STK32B: variants seen among roughly 807,000 people sequenced by gnomAD.
The protein encoded by STK32B is serine/threonine kinase 32B, also known as serine/threonine-protein kinase 32B.
A neutral mutation model predicts 52.6 loss-of-function variants in STK32B; 43 were observed. That is an observed-to-expected ratio of 0.82 (90% CI 0.64 to 1.05). The LOEUF is 1.05. Among genes scored for constraint, STK32B ranks in the 50% least tolerant of loss-of-function variants. The probability of loss-of-function intolerance (pLI) is 0.00; values close to 1 mark genes in which losing one functional copy is unlikely to be tolerated. For missense variants in STK32B, 621 were observed against 534.6 expected (o/e 1.16, Z -1.59); for synonymous variants, 238 against 204.3 (o/e 1.17, Z -1.41).
chr4:5,048,729 A>C (rs528272453), upstream of STK32B, among the ~76,000 whole-genome samples: 2 of 152,240 alleles, frequency 1.3e-5, no homozygotes, highest in African/African-American at 4.8e-5. Flanking sequence ...CACCTGGCCA[A>C]TTTCTGCATT....
intron 1 of STK32B, among the ~76,000 whole-genome samples, chr4:5,099,454 G>GCGCGTGCACGCGCACA (rs1553823530): frequency 7.7e-6 from 1 of 129,744 alleles, no homozygotes; most frequent in African/African-American, 2.6e-5. Context: ...GTGTGTGCGC[G>GCGCGTGCACGCGCACA]CGCGCGTATG....
intron 3 of STK32B, among the ~76,000 whole-genome samples, chr4:5,305,154 T>G (rs192628459): frequency 4.1e-4 from 63 of 152,218 alleles, no homozygotes; most frequent in African/African-American, 1.4e-3. Context: ...GTTTTCTTTT[T>G]TTGTTATGTC....
chr4:5,262,892 A>C (rs552410625), intron 3 of STK32B, among the ~76,000 whole-genome samples: 4 of 152,152 alleles, frequency 2.6e-5, no homozygotes, highest in Non-Finnish European at 2.9e-5. Context: ...CACAGTAAAC[A>C]TTTATTACAT....
At chr4:5,169,258 G>A (rs1223769247) in intron 3 of STK32B, among the ~76,000 whole-genome samples, 2 of 152,162 alleles carry the variant, frequency 1.3e-5, no homozygotes, top group Non-Finnish European at 2.9e-5. Context: ...GAAATTGCTT[G>A]TTTCTGGGTA....
chr4:5,182,643 G>C (rs1433857405), intron 3 of STK32B, among the ~76,000 whole-genome samples: 1 of 152,042 alleles, frequency 6.6e-6, no homozygotes, highest in Non-Finnish European at 1.5e-5. Context: ...ATTTTTAGTA[G>C]AGATGGGGTT....
intron 1 of STK32B, among the ~76,000 whole-genome samples, chr4:5,091,824 A>G (rs1713093490): frequency 6.6e-6 from 1 of 152,252 alleles, no homozygotes; most frequent in South Asian, 2.1e-4. Flanking sequence ...TGATGAATGG[A>G]TAAACATAAT....
chr4:5,268,762 C>T (rs1480565298), intron 3 of STK32B, among the ~76,000 whole-genome samples: 1 of 152,024 alleles, frequency 6.6e-6, no homozygotes, highest in East Asian at 1.9e-4. Flanking sequence ...AAAACCCCCT[C>T]TGCAGCCGAA....
rs550429015 is a variant in STK32B, at chr4:5,259,531, G to A, written c.261-71689G>A. Among the ~76,000 whole-genome samples the A allele has an allele frequency of 3.4e-4, 52 of 152,284 alleles. No individual in the cohort carries two copies. In the South Asian group the frequency reaches 0.01, roughly 30 times the overall value. ...AGTTCCCTCATTCTCTCTTTATAAA[G>A]CAGAGAGAATAACAGTACTGTGTCA... On this transcript the variant is annotated intron_variant, in intron 3 of 11. Coordinates refer to ENST00000282908, the MANE Select transcript of STK32B (RefSeq NM_018401.3).
chr4:5,357,648 T>C (rs1734275297), intron 4 of STK32B, among the ~76,000 whole-genome samples: 1 of 131,798 alleles, frequency 7.6e-6, no homozygotes, highest in African/African-American at 3.1e-5. Context: ...TGGAATGACA[T>C]CTGGCCATAA....
chr4:5,140,050 T>C, intron 2 of STK32B, 90 bp downstream of exon 2: 1 of 1,537,768 alleles, frequency 6.5e-7, no homozygotes, highest in Non-Finnish European at 9.0e-7. Flanking sequence ...GGGAATGTTC[T>C]GTTTGACAGT....
rs1464844815 is a variant in STK32B at position 5,386,170 on chromosome 4, G to A, written c.435-12037G>A. Among the ~76,000 whole-genome samples, 5 of 151,536 alleles carry A rather than the reference G, an allele frequency of 3.3e-5. No individual in the cohort carries two copies. The highest frequency in any genetic ancestry group is 5.9e-5 in the Non-Finnish European group (4 of 67,944). On this transcript the variant is annotated intron_variant, in intron 4 of 11. Coordinates refer to ENST00000282908, the MANE Select transcript of STK32B (RefSeq NM_018401.3). This position sits in a 1 kb window ranked among gnomAD's most constrained non-coding sequence, Gnocchi z 4.5. ...TGTACTCCCTGGACTCTTCCCAGCC[G>A]TCTGTCTCTCACACAGCACCCTCAC...
chr4:5,113,180 G>A (rs1047159934), intron 1 of STK32B, among the ~76,000 whole-genome samples: 7 of 152,084 alleles, frequency 4.6e-5, no homozygotes, highest in Admixed American at 1.3e-4. Flanking sequence ...GAAACCTCAC[G>A]AATGGGATTA....
At chr4:5,492,840 G>C (rs1719865241) in intron 11 of STK32B, among the ~76,000 whole-genome samples, 1 of 151,024 alleles carries the variant, frequency 6.6e-6, no homozygotes, top group African/African-American at 2.5e-5. Flanking sequence ...TAATCATGTG[G>C]TTTTTGTCTT....
At chr4:5,279,555 A>G (rs1728058189) in intron 3 of STK32B, among the ~76,000 whole-genome samples, 1 of 152,158 alleles carries the variant, frequency 6.6e-6, no homozygotes, top group Non-Finnish European at 1.5e-5. Context: ...TCAGTGATCA[A>G]CCATTCTGGG....
intron 3 of STK32B, among the ~76,000 whole-genome samples, chr4:5,209,559 G>A (rs1382377534): frequency 6.6e-6 from 1 of 152,188 alleles, no homozygotes; most frequent in African/African-American, 2.4e-5. Context: ...GCAACCAGTG[G>A]TCAAAATTCT....
chr4:5,281,707 G>A (rs1385794822), intron 3 of STK32B, among the ~76,000 whole-genome samples: 1 of 152,150 alleles, frequency 6.6e-6, no homozygotes, highest in African/African-American at 2.4e-5. Flanking sequence ...ATGCACCATT[G>A]TATTAACGCT....
the STK32B span, among the ~76,000 whole-genome samples, chr4:5,028,111 G>C: frequency 7.9e-5 from 12 of 152,318 alleles, no homozygotes; most frequent in Non-Finnish European, 1.5e-4. Flanking sequence ...CAGAGTGCTC[G>C]GTGCGGAGCT....
chr4:5,229,947 T>G (rs185155856), intron 3 of STK32B, among the ~76,000 whole-genome samples: 17 of 152,160 alleles, frequency 1.1e-4, no homozygotes, highest in Admixed American at 9.8e-4. Context: ...TCTGAGATCA[T>G]TTTTGAATAT....
intron 5 of STK32B, among the ~76,000 whole-genome samples, chr4:5,404,908 C>A (rs549888820): frequency 9.0e-5 from 13 of 144,410 alleles, no homozygotes; most frequent in Middle Eastern, 3.3e-3. Context: ...GTTCTGTCAC[C>A]GAGACTGGAG....
Sources: gnomAD v4.1 joint callset for allele counts (sites outside exome capture counted in the v4.1 genomes callset) on GRCh38, gnomAD v4.1.1 for gene constraint, Gnocchi (gnomAD v3.1) non-coding constraint, MANE v1.5 for transcripts, NCBI Gene and HGNC (gene_info 2026-07-23, HGNC 2026-07-21) for gene names.